Variants in SNX13 observed in about 807,000 individuals in gnomAD.
SNX13 encodes sorting nexin 13, also known as sorting nexin-13.
Under a neutral mutation model 133.6 loss-of-function variants are expected in SNX13, and 45 were observed. The ratio of observed to expected loss-of-function variants is 0.34; its 90% CI spans 0.27 to 0.43. SNX13 has a LOEUF of 0.43. Ranked by LOEUF, SNX13 falls within the 20% of genes least tolerant of loss-of-function variation. The probability of loss-of-function intolerance (pLI) is 1.00; values close to 1 mark genes in which losing one functional copy is unlikely to be tolerated. For synonymous variants in SNX13, 414 were observed against 373.9 expected, an observed-to-expected ratio of 1.11 and a Z score of -1.24; for missense variants, 1,032 against 1,145.1, an observed-to-expected ratio of 0.90 and a Z score of 1.43.
At chr7:17,897,531 T>A (rs1451466576) in intron 1 of SNX13, 85 bp from the exon 2 acceptor site, 10 of 701,834 alleles carry the variant, frequency 1.4e-5, no homozygotes, top group Middle Eastern at 2.6e-4. Context: ...TTACATAGTT[T>A]TAAATTTCTT....
intron 17 of SNX13, among the ~76,000 whole-genome samples, chr7:17,824,189 A>T (rs78804140): frequency 1.3e-5 from 2 of 152,148 alleles, no homozygotes; most frequent in Non-Finnish European, 2.9e-5. Context: ...TAAAAAAAAA[A>T]TAGCACTAGA....
At chr7:17,832,162 C>G (rs1234208675) in intron 15 of SNX13, 1 of 984,030 alleles carries the variant, frequency 1.0e-6, no homozygotes, top group East Asian at 1.1e-4. Context: ...TACTTCAGAT[C>G]AAAACCAGTT....
At chr7:17,909,431 C>CA (rs898931245) in intron 1 of SNX13, among the ~76,000 whole-genome samples, 1 of 152,036 alleles carries the variant, frequency 6.6e-6, no homozygotes, top group African/African-American at 2.4e-5. Context: ...TTCACAGTAG[C>CA]AAAAATATGG....
intron 3 of SNX13, among the ~76,000 whole-genome samples, chr7:17,892,662 T>G (rs1049696561): frequency 2.0e-5 from 3 of 152,120 alleles, no homozygotes; most frequent in Non-Finnish European, 4.4e-5. Context: ...ATTATTTACT[T>G]CTACATCTCC....
chr7:17,886,600 A>AG (rs1169536170), intron 5 of SNX13, among the ~76,000 whole-genome samples: 2 of 152,018 alleles, frequency 1.3e-5, no homozygotes, highest in African/African-American at 4.8e-5. Context: ...AAAAAAAAAA[A>AG]GAATATATTA....
intron 1 of SNX13, among the ~76,000 whole-genome samples, chr7:17,922,058 T>C (rs1800183747): frequency 6.6e-6 from 1 of 152,208 alleles, no homozygotes; most frequent in African/African-American, 2.4e-5. Context: ...CTTTCCTATC[T>C]AGATTGGACT....
intron 8 of SNX13, among the ~76,000 whole-genome samples, chr7:17,869,306 C>A (rs185387901): frequency 5.3e-5 from 8 of 152,018 alleles, no homozygotes; most frequent in Admixed American, 3.9e-4. Flanking sequence ...ATTATTTATT[C>A]TCAAAAATAT....
At chr7:17,873,389 A>C in intron 8 of SNX13, 139 bp downstream of exon 8, 1 of 438,254 alleles carries the variant, frequency 2.3e-6, no homozygotes. Flanking sequence ...TAAATATTTT[A>C]AAGAAAACTC....
Position 17,804,625 on chromosome 7 carries a change from A to C in SNX13, c.2065-1045T>G, listed in dbSNP as rs180706821. ...TACATTAATAAAGAAAGAGACATCT[A>C]AAGAAACCAAACTAGAGATGCAGAT... On this transcript the variant is annotated intron_variant, in intron 20 of 25. Transcript: ENST00000428135. 5.2e-3 allele frequency among the ~76,000 whole-genome samples: 788 copies of C among 152,168 alleles called. 2 individuals are homozygous for C. Among genetic ancestry groups the C allele is most frequent in the Non-Finnish European group, 8.1e-3 (550 of 68,000 alleles).
At chr7:17,876,458 T>C (rs910927302) in intron 5 of SNX13, among the ~76,000 whole-genome samples, 4 of 151,434 alleles carry the variant, frequency 2.6e-5, no homozygotes, top group African/African-American at 9.7e-5. Context: ...CATGCACCTA[T>C]AGTCCCAGCT....
intron 16 of SNX13, among the ~76,000 whole-genome samples, chr7:17,828,276 TAA>T (rs1345396233): frequency 6.6e-6 from 1 of 151,760 alleles, no homozygotes; most frequent in East Asian, 1.9e-4. Flanking sequence ...AGGAATATAT[TAA>T]AAGACAATTG....
intron 7 of SNX13, among the ~76,000 whole-genome samples, chr7:17,874,812 C>A (rs1794524829): frequency 1.3e-5 from 2 of 152,042 alleles, no homozygotes; most frequent in South Asian, 2.1e-4. Context: ...AAACTCCTAC[C>A]AATAAAAGAC....
intron 1 of SNX13, among the ~76,000 whole-genome samples, chr7:17,904,781 G>C (rs1172873944): frequency 6.6e-6 from 1 of 152,190 alleles, no homozygotes; most frequent in East Asian, 1.9e-4. Flanking sequence ...CATAAGAAGA[G>C]TGGTCTTATA....
chr7:17,861,265 T>G (rs1325261046), intron 9 of SNX13, among the ~76,000 whole-genome samples: 1 of 151,944 alleles, frequency 6.6e-6, no homozygotes, highest in Non-Finnish European at 1.5e-5. Flanking sequence ...ACCCCGCCCC[T>G]GCCAGAAATG....
At chr7:17,837,344 TG>T (rs1789256995) in intron 13 of SNX13, among the ~76,000 whole-genome samples, 1 of 151,982 alleles carries the variant, frequency 6.6e-6, no homozygotes, top group African/African-American at 2.4e-5. Context: ...CTTGCTATGT[TG>T]TCCATGCTGG....
chr7:17,859,759 T>C (rs1465523391), intron 9 of SNX13, among the ~76,000 whole-genome samples: 1 of 152,190 alleles, frequency 6.6e-6, no homozygotes, highest in Non-Finnish European at 1.5e-5. Context: ...AGTATTTGTC[T>C]TTCTGTGATA....
At chr7:17,825,101 G>A (rs1787743977) in intron 17 of SNX13, among the ~76,000 whole-genome samples, 1 of 152,106 alleles carries the variant, frequency 6.6e-6, no homozygotes, top group South Asian at 2.1e-4. Context: ...CTAGCACAGT[G>A]CTTCCATACA....
At chr7:17,803,181 T>G (rs1562656998) in intron 21 of SNX13, among the ~76,000 whole-genome samples, 1 of 152,202 alleles carries the variant, frequency 6.6e-6, no homozygotes, top group Admixed American at 6.5e-5. Context: ...TCAGTTTTTG[T>G]TTTAAATGAA....
intron 9 of SNX13, among the ~76,000 whole-genome samples, chr7:17,851,213 A>T (rs2691620): frequency 2.6e-5 from 4 of 152,022 alleles, no homozygotes; most frequent in African/African-American, 7.3e-5. Flanking sequence ...ATGATAGCAA[A>T]GAAGCCATGA....
Sources: gnomAD v4.1 joint callset for allele counts (sites outside exome capture counted in the v4.1 genomes callset) on GRCh38, gnomAD v4.1.1 for gene constraint, MANE v1.5 for transcripts, NCBI Gene and HGNC (gene_info 2026-07-23, HGNC 2026-07-21) for gene names.